Variants in GXYLT1 observed in about 807,000 individuals in gnomAD.
GXYLT1 encodes the protein glycosyltransferase 8 domain containing 3.
A neutral mutation model predicts 54.0 loss-of-function variants in GXYLT1; 29 were observed. That is an observed-to-expected ratio of 0.54 (90% CI 0.40 to 0.73). GXYLT1 has a LOEUF of 0.73. Among genes scored for constraint, GXYLT1 ranks in the 30% least tolerant of loss-of-function variants. The probability of loss-of-function intolerance (pLI) is 0.00; values close to 1 mark genes in which losing one functional copy is unlikely to be tolerated. For missense variants in GXYLT1, 490 were observed against 553.4 expected (o/e 0.89, Z 1.15); for synonymous variants, 176 against 204.1 (o/e 0.86, Z 1.17).
intron 2 of GXYLT1, among the ~76,000 whole-genome samples, chr12:42,126,880 GA>G (rs201058501): frequency 0.051 from 2,572 of 50,424 alleles, 57 homozygotes; most frequent in East Asian, 0.19. Flanking sequence ...CCTGTCTCAA[GA>G]AAAAAAAAAA....
rs1277091117 is a variant in GXYLT1 at position 42,114,393 on chromosome 12, AAAG to A, written c.486+4604_486+4606del. 5.3e-5 allele frequency among the ~76,000 whole-genome samples: 8 copies of A among 152,304 alleles called. 1 individual carries two copies. Among genetic ancestry groups the A allele is most frequent in the Admixed American group, 3.3e-4 (5 of 15,302 alleles). On this transcript the variant is annotated intron_variant, in intron 3 of 7. Coordinates refer to ENST00000398675, the MANE Select transcript of GXYLT1 (RefSeq NM_173601.2). ...CTGATAGAACGCTAGCAAGACTAACAAAGAAGAAAAGAGAGAAGAATCAAATAC... is the reference window on the plus strand; with the variant it reads ...CTGATAGAACGCTAGCAAGACTAACAAAGAAAAGAGAGAAGAATCAAATAC...
intron 7 of GXYLT1, among the ~76,000 whole-genome samples, chr12:42,090,171 A>G (rs1331632507): frequency 6.6e-6 from 1 of 152,182 alleles, no homozygotes; most frequent in African/African-American, 2.4e-5. Context: ...CTCATTAGTT[A>G]GACCTCTTTC....
intron 3 of GXYLT1, among the ~76,000 whole-genome samples, chr12:42,115,081 C>T (rs1281436387): frequency 3.9e-5 from 6 of 152,274 alleles, no homozygotes; most frequent in South Asian, 4.1e-4. Context: ...AATTCAACAA[C>T]GCTTCATGCT....
At chr12:42,118,502 AAGG>A (rs2065510358) in intron 3 of GXYLT1, among the ~76,000 whole-genome samples, 1 of 152,164 alleles carries the variant, frequency 6.6e-6, no homozygotes. Flanking sequence ...GAAGTGGTTC[AAGG>A]AGCACTCCCC....
In GXYLT1 at chr12:42,086,872, C is replaced by A. The variant is rs2065296827; in HGVS notation, c.*914G>T. The A allele has an allele frequency of 6.6e-6, 1 of 152,272 alleles. No individual in the cohort carries two copies. The highest frequency in any genetic ancestry group is 2.4e-5 in the African/African-American group (1 of 41,548). 9.4% of individuals were successfully genotyped at this position (152,272 alleles called of 1,614,324 possible). On this transcript the variant is annotated 3_prime_UTR_variant, in exon 8 of 8. Coordinates refer to ENST00000398675, the MANE Select transcript of GXYLT1 (RefSeq NM_173601.2). Reference sequence around the variant, plus strand: ...CCATTGTAACTAAAATTACTACTCACAGGAAGTATATAGCTTATGCATTTT... The same window carrying A: ...CCATTGTAACTAAAATTACTACTCAAAGGAAGTATATAGCTTATGCATTTT...
chr12:42,110,728 T>C (rs997142691), intron 3 of GXYLT1, among the ~76,000 whole-genome samples: 7 of 152,190 alleles, frequency 4.6e-5, no homozygotes, highest in Admixed American at 1.3e-4. Flanking sequence ...CTACTAATTA[T>C]TGTAAAATAC....
At chr12:42,091,414 GAT>G (rs397515694) in intron 7 of GXYLT1, among the ~76,000 whole-genome samples, 5,029 of 151,936 alleles carry the variant, frequency 0.033, 115 homozygotes, top group Non-Finnish European at 0.051. Context: ...TCTAATAGTA[GAT>G]TTTTTTTAAT....
chr12:42,097,490 A>G lies in GXYLT1; in HGVS notation c.1113T>C (p.His371=). 1 of 1,603,378 alleles carries G rather than the reference A, an allele frequency of 6.2e-7. No individual in the cohort carries two copies. ...FILHGNRGVY[H]DDKQPAFRAV... is the part of the protein sequence containing the mutation. Reference sequence around the variant, plus strand: ...CTCTAAATGCTGGTTGCTTATCGTCATGGTAAACACCTCTGTTCCCATGAA... The same window carrying G: ...CTCTAAATGCTGGTTGCTTATCGTCGTGGTAAACACCTCTGTTCCCATGAA... The change falls in exon 7 of 8, where the codon CAT becomes CAC. Residue 371 remains histidine, a synonymous_variant. Coordinates refer to ENST00000398675, the MANE Select transcript of GXYLT1 (RefSeq NM_173601.2).
intron 3 of GXYLT1, among the ~76,000 whole-genome samples, chr12:42,111,468 C>T (rs1005138023): frequency 6.6e-6 from 1 of 152,236 alleles, no homozygotes; most frequent in Non-Finnish European, 1.5e-5. Flanking sequence ...AAAAACGGCA[C>T]ACCAGGAGAT....
At chr12:42,117,119 G>A (rs1343933067) in intron 3 of GXYLT1, among the ~76,000 whole-genome samples, 1 of 147,382 alleles carries the variant, frequency 6.8e-6, no homozygotes, top group African/African-American at 2.5e-5. Flanking sequence ...CACACATCGG[G>A]GACTGTTGTG....
At chr12:42,091,992 C>A (rs1456651118) in intron 7 of GXYLT1, among the ~76,000 whole-genome samples, 1 of 152,160 alleles carries the variant, frequency 6.6e-6, no homozygotes, top group Non-Finnish European at 1.5e-5. Flanking sequence ...ACTGCCTCCA[C>A]CCACCTGGAA....
chr12:42,090,318 T>G (rs1162445382), intron 7 of GXYLT1, among the ~76,000 whole-genome samples: 1 of 152,234 alleles, frequency 6.6e-6, no homozygotes. Context: ...ATTTGTACAG[T>G]ACATAACCTA....
At position 42,097,786 on chromosome 12, in the gene GXYLT1, G is replaced by A. The variant is rs144014404; in HGVS notation, c.988+124C>T. The A allele has an allele frequency of 8.4e-3, 8,421 of 1,007,940 alleles. 61 individuals are homozygous for A. Among genetic ancestry groups the A allele is most frequent in the Middle Eastern group, 0.015 (59 of 3,984 alleles). 62.4% of individuals were successfully genotyped at this position (1,007,940 alleles called of 1,614,324 possible). On this transcript the variant is annotated intron_variant, in intron 6 of 7. Coordinates refer to ENST00000398675, the MANE Select transcript of GXYLT1 (RefSeq NM_173601.2). ...CAAAATTCAAGAAAAGTTTTACTCC[G>A]TCTTAAACATAAATAGCAATAATCA...
chr12:42,123,376 A>T (rs946480801), intron 2 of GXYLT1, among the ~76,000 whole-genome samples: 5 of 152,164 alleles, frequency 3.3e-5, no homozygotes, highest in Non-Finnish European at 5.9e-5. Context: ...TTTGGCAGAA[A>T]AAGAAAAGTG....
intron 3 of GXYLT1, among the ~76,000 whole-genome samples, chr12:42,114,688 T>C (rs1042646271): frequency 6.6e-6 from 1 of 152,220 alleles, no homozygotes; most frequent in Non-Finnish European, 1.5e-5. Flanking sequence ...CACAGCCGAA[T>C]TCTACCAGAG....
intron 1 of GXYLT1, among the ~76,000 whole-genome samples, chr12:42,133,375 A>G (rs1215401359): frequency 6.6e-6 from 1 of 152,204 alleles, no homozygotes; most frequent in Non-Finnish European, 1.5e-5. Flanking sequence ...AATACTGAAT[A>G]TAATACTGTA....
At chr12:42,100,243 G>A (rs994528357) in intron 5 of GXYLT1, among the ~76,000 whole-genome samples, 3 of 152,140 alleles carry the variant, frequency 2.0e-5, no homozygotes, top group Non-Finnish European at 2.9e-5. Context: ...GCAGTTCACA[G>A]CAGTTCACAT....
intron 3 of GXYLT1, among the ~76,000 whole-genome samples, chr12:42,118,345 T>C (rs549038108): frequency 3.9e-5 from 6 of 152,188 alleles, no homozygotes; most frequent in Non-Finnish European, 7.3e-5. Context: ...AAATAAATCA[T>C]AGGATTTCTC....
Position 42,097,468 on chromosome 12 carries a change from T to C in GXYLT1, c.1135A>G (p.Arg379Gly), listed in dbSNP as rs1345025500. 2 of 1,596,192 alleles carry C rather than the reference T, an allele frequency of 1.3e-6. No individual in the cohort carries two copies. Among genetic ancestry groups the C allele is most frequent in the Non-Finnish European group, 1.7e-6 (2 of 1,176,178 alleles). Residue 379 changes from arginine to glycine, a missense_variant, in exon 7 of 8, where the codon AGA becomes GGA. Transcript: ENST00000398675. Reference sequence around the variant, plus strand: ...TTTCTCAGTGCTTCATAAACAGCTCTAAATGCTGGTTGCTTATCGTCATGG... The same window carrying C: ...TTTCTCAGTGCTTCATAAACAGCTCCAAATGCTGGTTGCTTATCGTCATGG... ...VYHDDKQPAF[R>G]AVYEALRNCS...
Sources: gnomAD v4.1 joint callset for allele counts (sites outside exome capture counted in the v4.1 genomes callset) on GRCh38, gnomAD v4.1.1 for gene constraint, MANE v1.5 for transcripts, NCBI Gene and HGNC (gene_info 2026-07-23, HGNC 2026-07-21) for gene names.